The following TRAF3 variants were observed in gnomAD, a reference collection of about 807,000 sequenced individuals.
The protein encoded by TRAF3 is TNF receptor-associated factor 3.
Under a neutral mutation model 62.3 loss-of-function variants are expected in TRAF3, and 13 were observed. The observed-to-expected ratio is 0.21, with a 90% CI of 0.14 to 0.33. The LOEUF is 0.33. TRAF3 is among the 10% of genes least tolerant of loss of function. TRAF3 has a pLI of 1.00. For synonymous variants in TRAF3, 269 were observed against 283.4 expected (o/e 0.95, Z 0.51); for missense variants, 440 against 741.8 (o/e 0.59, Z 4.73).
intron 1 of TRAF3, among the ~76,000 whole-genome samples, chr14:102,829,424 T>C (rs1320500369): frequency 6.6e-6 from 1 of 152,232 alleles, no homozygotes; most frequent in East Asian, 1.9e-4. Flanking sequence ...TCTTGGTTCC[T>C]GGCAACAGAA....
intron 6 of TRAF3, among the ~76,000 whole-genome samples, chr14:102,884,253 C>A (rs72704725): frequency 0.014 from 2,157 of 152,306 alleles, 25 homozygotes; most frequent in Middle Eastern, 0.054. Flanking sequence ...ACGTGGCCGT[C>A]TTCCTAGTGC....
At chr14:102,843,307 AAAG>A (rs1886491212) in intron 2 of TRAF3, among the ~76,000 whole-genome samples, 1 of 144,372 alleles carries the variant, frequency 6.9e-6, no homozygotes, top group Non-Finnish European at 1.5e-5. Context: ...ATTCAGATAG[AAAG>A]AAAATAATAT....
chr14:102,844,752 C>T (rs1173718151), intron 2 of TRAF3, among the ~76,000 whole-genome samples: 3 of 151,944 alleles, frequency 2.0e-5, no homozygotes, highest in Non-Finnish European at 4.4e-5. Flanking sequence ...ATAAAGAATT[C>T]TTAGTTGGCC....
chr14:102,822,209 A>G (rs1461587107), intron 1 of TRAF3, among the ~76,000 whole-genome samples: 2 of 152,246 alleles, frequency 1.3e-5, no homozygotes, highest in Non-Finnish European at 2.9e-5. Context: ...TTTTCCACAG[A>G]AATATGTTAT....
intron 2 of TRAF3, among the ~76,000 whole-genome samples, chr14:102,868,842 T>C (rs1888159171): frequency 6.6e-6 from 1 of 152,208 alleles, no homozygotes; most frequent in Admixed American, 6.5e-5. Context: ...TCCTGGTTAT[T>C]TTCATTTACT....
intron 2 of TRAF3, among the ~76,000 whole-genome samples, chr14:102,833,169 A>G (rs1371250295): frequency 6.6e-6 from 1 of 152,200 alleles, no homozygotes; most frequent in African/African-American, 2.4e-5. Context: ...AGCTCTGTGA[A>G]GGGGAGGCTT....
chr14:102,857,531 C>G (rs1199105892), intron 2 of TRAF3, among the ~76,000 whole-genome samples: 2 of 152,318 alleles, frequency 1.3e-5, no homozygotes, highest in South Asian at 2.1e-4. Context: ...AAAGCCAAGC[C>G]CAGCCATGGG....
intron 1 of TRAF3, among the ~76,000 whole-genome samples, chr14:102,788,736 T>C (rs2139399693): frequency 6.6e-6 from 1 of 152,240 alleles, no homozygotes. Flanking sequence ...AGGCAAAAGT[T>C]GCAGTGAGCT....
At chr14:102,873,983 G>A (rs540511015) in intron 4 of TRAF3, among the ~76,000 whole-genome samples, 2 of 152,250 alleles carry the variant, frequency 1.3e-5, no homozygotes, top group African/African-American at 4.8e-5. Context: ...GAGGGAGCTG[G>A]GCATGGTGCC....
In TRAF3 at chr14:102,876,254, T is replaced by A. The variant is rs546225691; in HGVS notation, c.403-104T>A. The A allele has an allele frequency of 2.1e-5, 27 of 1,292,424 alleles. No individual in the cohort carries two copies. The South Asian group carries it at 2.8e-4, about 13-fold the overall frequency. 80.1% of individuals were successfully genotyped at this position (1,292,424 alleles called of 1,614,324 possible). ...TGTGGAAAACTGGTCTAACAGCAGA[T>A]GAGAAACATTTCTTTAGGGTTTCAT... is the stretch of plus-strand genomic sequence containing the variant. On this transcript the variant is annotated intron_variant, in intron 5 of 11. Transcript: ENST00000392745.
In TRAF3 at chr14:102,797,967, C is replaced by T. The variant is rs888106379; in HGVS notation, c.-157+20292C>T. Among the ~76,000 whole-genome samples the T allele has an allele frequency of 3.0e-4, 45 of 152,206 alleles. 2 individuals carry two copies. Among genetic ancestry groups the T allele is most frequent in the Middle Eastern group, 6.8e-3 (2 of 294 alleles). ...GGTCAGGCTGGTCTCCAACTCCTGA[C>T]CTCAGGTGATCTACCTGCCTCGGCC... On this transcript the variant is annotated intron_variant, in intron 1 of 11. Transcript: ENST00000392745.
rs1012460627 is a variant in TRAF3 at position 102,911,215 on chromosome 14, G to T, written c.*5431G>T. 2.0e-5 allele frequency: 3 copies of T among 152,252 alleles called. No individual in the cohort carries two copies. Among genetic ancestry groups the T allele is most frequent in the African/African-American group, 7.2e-5 (3 of 41,544 alleles). The allele number at this position is 152,252 out of a possible 1,614,324, so 9.4% of individuals were successfully genotyped here. A position where few individuals can be genotyped will look rare whatever the true frequency, so the allele number is the denominator to read the frequency against. Reference sequence around the variant, plus strand: ...ACCAGTGATTTGGGTCCTGTTTTCCGCTCTTCTAAGAAAAAACAAAAAGAC... The same window carrying T: ...ACCAGTGATTTGGGTCCTGTTTTCCTCTCTTCTAAGAAAAAACAAAAAGAC... On this transcript the variant is annotated 3_prime_UTR_variant, in exon 12 of 12. Coordinates refer to ENST00000392745, the MANE Select transcript of TRAF3 (RefSeq NM_145725.3).
At chr14:102,881,389 C>CAAAAAAA (rs1889050003) in intron 6 of TRAF3, among the ~76,000 whole-genome samples, 2 of 76,838 alleles carry the variant, frequency 2.6e-5, no homozygotes, top group African/African-American at 1.0e-4. Context: ...GTCTCAACAA[C>CAAAAAAA]AAAAACAAAA....
At position 102,870,228 on chromosome 14, in the gene TRAF3, TCCTGGCGCGCTGCAGACTAAC is replaced by T. The variant is rs1888255964; in HGVS notation, c.30_50del (p.Gly11_Pro17del). On this transcript the variant is annotated inframe_deletion, in exon 3 of 12. Coordinates refer to ENST00000392745, the MANE Select transcript of TRAF3 (RefSeq NM_145725.3). ...TGGAGTCGAGTAAAAAGATGGACTC[TCCTGGCGCGCTGCAGACTAAC>T]CCGCCGCTAAAGCTGCACACTGACC... 23 of 1,614,124 alleles carry T rather than the reference TCCTGGCGCGCTGCAGACTAAC, an allele frequency of 1.4e-5. No individual in the cohort carries two copies. The highest frequency in any genetic ancestry group is 1.9e-5 in the Non-Finnish European group (23 of 1,180,012).
intron 2 of TRAF3, among the ~76,000 whole-genome samples, chr14:102,866,639 T>G (rs1888008137): frequency 6.6e-6 from 1 of 151,232 alleles, no homozygotes; most frequent in South Asian, 2.1e-4. Flanking sequence ...AGGCCAGGAG[T>G]TTGAGAGCAG....
Position 102,842,674 on chromosome 14 carries a change from A to G in TRAF3, c.-18+12202A>G, listed in dbSNP as rs114085208. ...ATAAAGAAATCCAAGGTACCTCATA[A>G]TCAGATTGCCAGAAAACCAGTGATC... On this transcript the variant is annotated intron_variant, in intron 2 of 11. Transcript: ENST00000392745. 9.7e-4 allele frequency among the ~76,000 whole-genome samples: 148 copies of G among 152,320 alleles called. 1 individual carries two copies. The highest frequency in any genetic ancestry group is 3.3e-3 in the African/African-American group (139 of 41,570).
At chr14:102,877,671 A>G (rs11627090) in intron 6 of TRAF3, among the ~76,000 whole-genome samples, 2,768 of 149,118 alleles carry the variant, frequency 0.019, 29 homozygotes, top group African/African-American at 0.022. Flanking sequence ...CGCTCAGCTC[A>G]TAGATAATCT....
chr14:102,884,289 C>A (rs1028786769), intron 6 of TRAF3, among the ~76,000 whole-genome samples: 15 of 152,192 alleles, frequency 9.9e-5, no homozygotes, highest in African/African-American at 3.6e-4. Context: ...CTAAGGGTGG[C>A]AGTCTTTAGA....
chr14:102,817,939 A>G (rs12589771), intron 1 of TRAF3, among the ~76,000 whole-genome samples: 32,353 of 152,042 alleles, frequency 0.21, 3,727 homozygotes, highest in East Asian at 0.38. Context: ...ATATCCCTCC[A>G]TTTGTGCATC....
Sources: allele counts gnomAD v4.1 joint callset (sites outside exome capture counted in the v4.1 genomes callset), GRCh38; gene constraint gnomAD v4.1.1; transcripts MANE v1.5; gene names NCBI Gene and HGNC (gene_info 2026-07-23, HGNC 2026-07-21).